The following FBXL17 variants were observed in gnomAD, a reference collection of about 807,000 sequenced individuals.
FBXL17 encodes F-box/LRR-repeat protein 17.
In FBXL17, 22 loss-of-function variants were observed where a neutral mutation model predicts 66.2. That is an observed-to-expected ratio of 0.33 (90% CI 0.24 to 0.47). The LOEUF (loss-of-function observed/expected upper bound fraction) is 0.47, where lower values mean the gene tolerates loss of function less well. FBXL17 is among the 20% of genes least tolerant of loss of function. FBXL17 has a pLI of 1.00. For missense variants in FBXL17, 878 were observed against 948.2 expected, an observed-to-expected ratio of 0.93 and a Z score of 0.97; for synonymous variants, 474 against 400.5, an observed-to-expected ratio of 1.18 and a Z score of -2.19.
chr5:108,305,488 G>GA (rs367798475), intron 4 of FBXL17, among the ~76,000 whole-genome samples: 79 of 150,420 alleles, frequency 5.3e-4, no homozygotes, highest in African/African-American at 1.8e-3. Context: ...GTTGAAGGGG[G>GA]AAAAAAAAAG....
intron 3 of FBXL17, among the ~76,000 whole-genome samples, chr5:108,361,060 G>A (rs567542228): frequency 1.3e-5 from 2 of 151,950 alleles, no homozygotes; most frequent in Non-Finnish European, 2.9e-5. Flanking sequence ...AAAATCTTTA[G>A]TAAAATCTTT....
At chr5:108,377,344 C>A (rs942675040) in intron 1 of FBXL17, among the ~76,000 whole-genome samples, 1 of 152,176 alleles carries the variant, frequency 6.6e-6, no homozygotes, top group African/African-American at 2.4e-5. Flanking sequence ...CTTCCACTCA[C>A]CCCAACTGGC....
intron 7 of FBXL17, among the ~76,000 whole-genome samples, chr5:107,984,998 A>G (rs1370037302): frequency 6.6e-6 from 1 of 152,194 alleles, no homozygotes; most frequent in East Asian, 1.9e-4. Flanking sequence ...ACAATAACCT[A>G]CTATGTCATT....
At chr5:108,313,290 T>C (rs746833295) in intron 4 of FBXL17, among the ~76,000 whole-genome samples, 5 of 152,248 alleles carry the variant, frequency 3.3e-5, no homozygotes, top group African/African-American at 7.2e-5. Flanking sequence ...CTACCACTTA[T>C]AGTTACATCC....
chr5:108,028,740 G>A (rs992791267), intron 6 of FBXL17, among the ~76,000 whole-genome samples: 1 of 152,036 alleles, frequency 6.6e-6, no homozygotes, highest in Admixed American at 6.6e-5. Flanking sequence ...CATTTGGGAA[G>A]GCATAAAATC....
chr5:108,282,765 G>GACTCTATTAAAAAAAACTCTT (rs1433363850), intron 4 of FBXL17, among the ~76,000 whole-genome samples: 9 of 148,834 alleles, frequency 6.0e-5, no homozygotes, highest in Non-Finnish European at 1.2e-4. Context: ...AAAATTTAAA[G>GACTCTATTAAAAAAAACTCTT]ACTCTATTAA....
At chr5:108,241,979 G>T (rs1292846315) in intron 4 of FBXL17, among the ~76,000 whole-genome samples, 1 of 152,134 alleles carries the variant, frequency 6.6e-6, no homozygotes, top group Non-Finnish European at 1.5e-5. Flanking sequence ...AAAGCTGAGG[G>T]ATTTCATCAA....
At chr5:108,032,259 T>C (rs1359937446) in intron 6 of FBXL17, among the ~76,000 whole-genome samples, 1 of 152,058 alleles carries the variant, frequency 6.6e-6, no homozygotes, top group Non-Finnish European at 1.5e-5. Context: ...TTAGCAAAAA[T>C]ACAAATGTAA....
chr5:107,997,391 G>C lies in FBXL17; in HGVS notation c.1822+23534C>G, dbSNP rs566428872. On this transcript the variant is annotated intron_variant, in intron 7 of 8. Coordinates refer to ENST00000542267, the MANE Select transcript of FBXL17 (RefSeq NM_001163315.3). ...CTAGTGACATGTCATCATTTGCAGGGGTTTGTCATACAGCAAAGTCCACAA... is the reference window on the plus strand; with the variant it reads ...CTAGTGACATGTCATCATTTGCAGGCGTTTGTCATACAGCAAAGTCCACAA... 2.0e-5 allele frequency among the ~76,000 whole-genome samples: 3 copies of C among 152,138 alleles called. No individual in the cohort carries two copies. The South Asian group carries it at 6.2e-4, about 32-fold the overall frequency.
chr5:108,086,460 G>A (rs1361517954), intron 6 of FBXL17, among the ~76,000 whole-genome samples: 1 of 152,140 alleles, frequency 6.6e-6, no homozygotes, highest in East Asian at 1.9e-4. Flanking sequence ...TGTGGGTCTT[G>A]ATTTCTGAAG....
At chr5:108,088,666 A>G (rs1330136797) in intron 6 of FBXL17, among the ~76,000 whole-genome samples, 2 of 126,268 alleles carry the variant, frequency 1.6e-5, no homozygotes, top group African/African-American at 3.0e-5. Context: ...GTGCCACTGC[A>G]CTCCAGCCTG....
At chr5:108,318,815 G>T (rs1036087643) in intron 4 of FBXL17, among the ~76,000 whole-genome samples, 2 of 151,876 alleles carry the variant, frequency 1.3e-5, no homozygotes, top group African/African-American at 4.8e-5. Flanking sequence ...AACAAGTGAT[G>T]GTTATGAAAA....
chr5:108,249,015 A>G (rs1756232414), intron 4 of FBXL17, among the ~76,000 whole-genome samples: 1 of 152,186 alleles, frequency 6.6e-6, no homozygotes, highest in Non-Finnish European at 1.5e-5. Context: ...AGAAGTAAAA[A>G]TATGGATTAA....
At chr5:108,307,972 T>C (rs1389281989) in intron 4 of FBXL17, among the ~76,000 whole-genome samples, 6 of 152,098 alleles carry the variant, frequency 3.9e-5, no homozygotes, top group Admixed American at 2.6e-4. Flanking sequence ...ACGGAAAACA[T>C]AATAAAATAT....
intron 6 of FBXL17, among the ~76,000 whole-genome samples, chr5:108,067,668 G>GT (rs1748169094): frequency 6.6e-6 from 1 of 151,990 alleles, no homozygotes; most frequent in African/African-American, 2.4e-5. Context: ...TGTATTTGTA[G>GT]TTTTTTATAT....
chr5:108,258,532 A>C (rs552753909), intron 4 of FBXL17, among the ~76,000 whole-genome samples: 1 of 152,320 alleles, frequency 6.6e-6, no homozygotes, highest in Non-Finnish European at 1.5e-5. Context: ...TCCTAGAAGT[A>C]GAATAGGTTC....
At chr5:107,971,078 T>G (rs1752353644) in intron 7 of FBXL17, among the ~76,000 whole-genome samples, 1 of 152,190 alleles carries the variant, frequency 6.6e-6, no homozygotes, top group Non-Finnish European at 1.5e-5. Flanking sequence ...ACAAATTTAT[T>G]CCAAAAGGAT....
At chr5:107,965,619 A>C (rs1005838421) in intron 7 of FBXL17, among the ~76,000 whole-genome samples, 3 of 152,154 alleles carry the variant, frequency 2.0e-5, no homozygotes, top group African/African-American at 4.8e-5. Context: ...AAGCAGCTGG[A>C]TGTTAGATAG....
intron 4 of FBXL17, among the ~76,000 whole-genome samples, chr5:108,330,664 A>G (rs1760078155): frequency 1.3e-5 from 2 of 152,108 alleles, no homozygotes; most frequent in African/African-American, 4.8e-5. Flanking sequence ...ATAAACTCAC[A>G]CTATCACCTT....
Sources: allele counts gnomAD v4.1 joint callset (sites outside exome capture counted in the v4.1 genomes callset), GRCh38; gene constraint gnomAD v4.1.1; transcripts MANE v1.5; gene names NCBI Gene and HGNC (gene_info 2026-07-23, HGNC 2026-07-21).